Variants in LAMB1 observed in about 807,000 individuals in gnomAD.
LAMB1 encodes the protein laminin subunit beta 1.
LAMB1 carries 121 observed loss-of-function variants against 222.3 expected under a neutral mutation model. That is an observed-to-expected ratio of 0.54 (90% CI 0.47 to 0.63). The LOEUF is 0.63. Among genes scored for constraint, LAMB1 ranks in the 30% least tolerant of loss-of-function variants. LAMB1 has a pLI of 0.00. For missense variants in LAMB1, 2,172 were observed against 2,240.8 expected (o/e 0.97, Z 0.62); for synonymous variants, 794 against 807.2 (o/e 0.98, Z 0.28).
rs2032945877 is a variant in LAMB1 at position 107,940,163 on chromosome 7, C to A, written c.3587G>T (p.Arg1196Met). Reference protein sequence around the residue: ...WDVIIAELTNRTHRFLEKAKA... With the variant: ...WDVIIAELTNMTHRFLEKAKA... ...GGCTTTCTCCAGGAATCTGTGTGTC[C>A]TGTTGGTCAGCTCGGCAATGATCAC... Residue 1196 changes from arginine to methionine, a missense_variant, in exon 25 of 34, where the codon AGG becomes ATG. Arg to Met is a moderately conservative substitution (Grantham distance 91). Coordinates refer to ENST00000222399, the MANE Select transcript of LAMB1 (RefSeq NM_002291.3). 6.2e-7 allele frequency: 1 copy of A among 1,614,022 alleles called. No individual in the cohort carries two copies. The highest frequency in any genetic ancestry group is 8.5e-7 in the Non-Finnish European group (1 of 1,180,036).
At chr7:107,936,659 G>A (rs2032854772) in intron 26 of LAMB1, among the ~76,000 whole-genome samples, 1 of 152,248 alleles carries the variant, frequency 6.6e-6, no homozygotes, top group South Asian at 2.1e-4. Context: ...TTTTTGCTGA[G>A]GATCCTTTAC....
intron 13 of LAMB1, 82 bp from the exon 14 acceptor site, chr7:107,964,769 A>G (rs762387632): frequency 2.5e-5 from 38 of 1,491,714 alleles, no homozygotes; most frequent in Non-Finnish European, 3.5e-5. Context: ...AGCTGCCATT[A>G]CTCAGTACAC....
intron 16 of LAMB1, 97 bp downstream of exon 16, chr7:107,961,452 T>C: frequency 6.3e-7 from 1 of 1,576,106 alleles, no homozygotes; most frequent in Admixed American, 1.8e-5. Flanking sequence ...AGTCAACGTC[T>C]GGCTCTGAAA....
intron 27 of LAMB1, among the ~76,000 whole-genome samples, chr7:107,933,843 G>A (rs138669625): frequency 6.6e-6 from 1 of 152,150 alleles, no homozygotes; most frequent in Non-Finnish European, 1.5e-5. Flanking sequence ...GCACACATTT[G>A]AAAGGCCAGA....
chr7:108,002,365 A>G, intron 2 of LAMB1: 1 of 1,314,796 alleles, frequency 7.6e-7, no homozygotes, highest in East Asian at 5.4e-5. Context: ...ATTCCAGGGA[A>G]GCGCCAGGTC....
intron 24 of LAMB1, among the ~76,000 whole-genome samples, chr7:107,943,643 G>C (rs2116366495): frequency 6.6e-6 from 1 of 152,214 alleles, no homozygotes; most frequent in Admixed American, 6.5e-5. Context: ...CCCATCCCCA[G>C]ATTCTGATTC....
chr7:107,992,288 A>C (rs1383348937), intron 5 of LAMB1, among the ~76,000 whole-genome samples: 5 of 152,174 alleles, frequency 3.3e-5, no homozygotes, highest in Admixed American at 3.3e-4. Context: ...CAGGCTAACA[A>C]AGATTGTCTG....
chr7:107,986,880 T>C (rs2034089324), intron 5 of LAMB1, among the ~76,000 whole-genome samples: 1 of 152,196 alleles, frequency 6.6e-6, no homozygotes, highest in African/African-American at 2.4e-5. Flanking sequence ...GCAATGTGCT[T>C]TGGAAAAGCA....
rs565504939 is a variant in LAMB1 at position 107,932,349 on chromosome 7, C to T, written c.4217G>A (p.Cys1406Tyr). 3.1e-6 allele frequency: 5 copies of T among 1,614,216 alleles called. No individual in the cohort carries two copies. The African/African-American group carries it at 4.0e-5, about 13-fold the overall frequency. Residue 1406 changes from cysteine (C) to tyrosine (Y), a missense_variant, in exon 28 of 34, where the codon TGT (cysteine) becomes TAT (tyrosine). By Grantham distance (194) the Cys-to-Tyr change is radical (BLOSUM62 -2). Transcript: ENST00000222399. ...MTCGTPPGAS[C>Y]SETECGGPNC... is the part of the protein sequence containing the mutation. ...TGGCCCGCCACATTCAGTCTCGGAA[C>T]AGGAGGCCCCTGGGGGTGTTCCACA...
chr7:107,949,245 G>C (rs1370301613), intron 24 of LAMB1, among the ~76,000 whole-genome samples: 1 of 152,220 alleles, frequency 6.6e-6, no homozygotes, highest in African/African-American at 2.4e-5. Flanking sequence ...AGATAAAAGG[G>C]TAAGGAGTAA....
chr7:107,998,430 G>A lies in LAMB1; in HGVS notation c.276C>T (p.Asp92=). 1.9e-6 allele frequency: 3 copies of A among 1,613,676 alleles called. No individual in the cohort carries two copies. The highest frequency in any genetic ancestry group is 2.5e-6 in the Non-Finnish European group (3 of 1,179,578). The change falls in exon 4 of 34, where the codon GAC becomes GAT. Residue 92 remains aspartate, a synonymous_variant. Transcript: ENST00000222399. ...QDPYHETLNP[D]SHLIENVVTT... ...TGACCACATTTTCAATGAGATGGCT[G>A]TCAGGATTCAGGGTCTCATGATAAG...
At chr7:107,932,799 T>C (rs150185933) in intron 27 of LAMB1, among the ~76,000 whole-genome samples, 2 of 152,222 alleles carry the variant, frequency 1.3e-5, no homozygotes, top group East Asian at 3.9e-4. Flanking sequence ...CTCCAGTAAA[T>C]ATGGTGACAT....
At chr7:107,940,650 A>G (rs192575924) in intron 24 of LAMB1, 175 of 338,428 alleles carry the variant, frequency 5.2e-4, no homozygotes, top group African/African-American at 3.0e-3. Context: ...AATAATCACT[A>G]TTTCACAGAT....
At chr7:107,990,831 T>TA (rs2034168212) in intron 5 of LAMB1, among the ~76,000 whole-genome samples, 1 of 152,184 alleles carries the variant, frequency 6.6e-6, no homozygotes, top group Non-Finnish European at 1.5e-5. Context: ...TTGAAAAAGC[T>TA]TTCTAAGATA....
At chr7:107,965,918 G>A (rs2033625795) in intron 13 of LAMB1, among the ~76,000 whole-genome samples, 3 of 151,922 alleles carry the variant, frequency 2.0e-5, no homozygotes, top group Non-Finnish European at 2.9e-5. Context: ...CCAACATGGT[G>A]AAACCCCGTC....
At chr7:108,000,890 T>C (rs2034370188) in intron 3 of LAMB1, among the ~76,000 whole-genome samples, 1 of 152,256 alleles carries the variant, frequency 6.6e-6, no homozygotes, top group Non-Finnish European at 1.5e-5. Context: ...ATTCTGAATA[T>C]TTTACACTTT....
chr7:107,981,287 A>C (rs2033968003), intron 7 of LAMB1, among the ~76,000 whole-genome samples: 1 of 152,048 alleles, frequency 6.6e-6, no homozygotes, highest in South Asian at 2.1e-4. Flanking sequence ...ATCTCTACTA[A>C]AAATACAAAA....
rs2034387823 is a variant in LAMB1 at position 108,001,698 on chromosome 7, C to A, written c.73G>T (p.Glu25Ter). 1 of 1,612,724 alleles carries A rather than the reference C, an allele frequency of 6.2e-7. No individual in the cohort carries two copies. Among genetic ancestry groups the A allele is most frequent in the East Asian group, 2.2e-5 (1 of 44,846 alleles). ...CCTTCTGCGCAGCCGTAGCTGAACT[C>A]GGGTTCCTGAGCGCGCACTCGGGCT... is the stretch of plus-strand genomic sequence containing the variant. The part of the protein sequence containing the change: ...CRARVRAQEP[E>*]FSYGCAEGSC... Residue 25 changes from glutamate to a stop codon, truncating the protein, a stop_gained, in exon 3 of 34, where the codon GAG (glutamate) becomes TAG (stop). Coordinates refer to ENST00000222399, the MANE Select transcript of LAMB1 (RefSeq NM_002291.3). LOFTEE classifies it high-confidence loss of function.
At chr7:107,995,877 T>C (rs967896556) in intron 4 of LAMB1, among the ~76,000 whole-genome samples, 10 of 152,134 alleles carry the variant, frequency 6.6e-5, no homozygotes, top group African/African-American at 2.4e-4. Context: ...CACAGACTGG[T>C]GTATTTTCAG....
Sources: allele counts gnomAD v4.1 joint callset (sites outside exome capture counted in the v4.1 genomes callset), GRCh38; gene constraint gnomAD v4.1.1; transcripts MANE v1.5; gene names NCBI Gene and HGNC (gene_info 2026-07-23, HGNC 2026-07-21).